TENM2: variants seen among roughly 807,000 people sequenced by gnomAD.
The protein encoded by TENM2 is teneurin-2.
A neutral mutation model predicts 245.2 loss-of-function variants in TENM2; 52 were observed. The observed-to-expected ratio is 0.21, with a 90% CI of 0.17 to 0.27. The LOEUF is 0.27. Among genes scored for constraint, TENM2 ranks in the 10% least tolerant of loss-of-function variants. TENM2 has a pLI of 1.00. For synonymous variants in TENM2, 1,363 were observed against 1,438.9 expected, an observed-to-expected ratio of 0.95 and a Z score of 1.19; for missense variants, 3,046 against 3,666.8, an observed-to-expected ratio of 0.83 and a Z score of 4.37.
At position 167,597,363 on chromosome 5, in the gene TENM2, C is replaced by T. The variant is rs113406271; in HGVS notation, c.502+221890C>T. Among the ~76,000 whole-genome samples the T allele has an allele frequency of 6.6e-3, 1,005 of 152,144 alleles. 3 individuals are homozygous for T. The highest frequency in any genetic ancestry group is 0.014 in the Middle Eastern group (4 of 294). On this transcript the variant is annotated intron_variant, in intron 2 of 28. Coordinates refer to ENST00000518659, the Ensembl canonical transcript of TENM2. ...TGTATTTTTAGTAGAGACAGGGTTT[C>T]ACCATGTTGGCCAGGCTGGTCTCAA...
At chr5:167,514,448 G>A (rs1770177599) in intron 2 of TENM2, among the ~76,000 whole-genome samples, 1 of 152,170 alleles carries the variant, frequency 6.6e-6, no homozygotes. Flanking sequence ...TAGTAACCGT[G>A]TTCATCCCAG....
At chr5:167,451,367 C>G (rs1270617932) in intron 2 of TENM2, among the ~76,000 whole-genome samples, 2 of 152,274 alleles carry the variant, frequency 1.3e-5, no homozygotes, top group East Asian at 3.9e-4. Flanking sequence ...CGATTGAAAA[C>G]GATGCAAAGG....
At chr5:167,302,558 C>A (rs575052135) in intron 1 of TENM2, among the ~76,000 whole-genome samples, 6 of 148,764 alleles carry the variant, frequency 4.0e-5, no homozygotes, top group Non-Finnish European at 7.4e-5. Flanking sequence ...GATAAGAGGT[C>A]GGGGCGTGGA....
intron 12 of TENM2, among the ~76,000 whole-genome samples, chr5:168,135,140 C>T (rs1252747603): frequency 2.6e-5 from 4 of 152,174 alleles, no homozygotes; most frequent in Non-Finnish European, 5.9e-5. Context: ...TTGATTCTGT[C>T]CCCATTCAGC....
At chr5:167,907,571 A>ATG (rs1477119256) in intron 3 of TENM2, among the ~76,000 whole-genome samples, 1 of 107,796 alleles carries the variant, frequency 9.3e-6, no homozygotes, top group African/African-American at 3.3e-5. Context: ...ATATATATAT[A>ATG]TGTATGTATT....
intron 28 of TENM2, 38 bp from the exon 31 acceptor site, chr5:168,262,011 T>G: frequency 6.3e-7 from 1 of 1,593,546 alleles, no homozygotes; most frequent in Non-Finnish European, 8.6e-7. Flanking sequence ...GCTGCCCAGC[T>G]CATCTTCTCA....
the TENM2 span, among the ~76,000 whole-genome samples, chr5:166,979,185 G>GCAGCAC: frequency 4.4e-5 from 6 of 137,774 alleles, no homozygotes; most frequent in African/African-American, 1.6e-4. Flanking sequence ...AGCAGCAGCA[G>GCAGCAC]CACCACCACC....
At chr5:167,307,432 C>A (rs1048477350) in intron 1 of TENM2, among the ~76,000 whole-genome samples, 1 of 152,110 alleles carries the variant, frequency 6.6e-6, no homozygotes, top group African/African-American at 2.4e-5. Flanking sequence ...ATTGATGTGA[C>A]AGATGCTATT....
intron 2 of TENM2, among the ~76,000 whole-genome samples, chr5:167,577,358 G>A (rs1774774699): frequency 2.6e-5 from 4 of 152,244 alleles, no homozygotes; most frequent in African/African-American, 9.6e-5. Flanking sequence ...CTAGTTCTTT[G>A]CTGGTGGATT....
At chr5:167,700,969 A>T (rs1449309457) in intron 2 of TENM2, among the ~76,000 whole-genome samples, 2 of 151,562 alleles carry the variant, frequency 1.3e-5, no homozygotes, top group African/African-American at 2.4e-5. Flanking sequence ...AAAAAAAAAA[A>T]AAAAGCTAGC....
chr5:167,023,536 C>T, the TENM2 span, among the ~76,000 whole-genome samples: 40 of 152,228 alleles, frequency 2.6e-4, no homozygotes, highest in African/African-American at 9.4e-4. Flanking sequence ...TGATAATTTT[C>T]GAAGGTAAAA....
At position 167,598,599 on chromosome 5, in the gene TENM2, G is replaced by A. The variant is rs192897558; in HGVS notation, c.502+223126G>A. 4.5e-4 allele frequency among the ~76,000 whole-genome samples: 69 copies of A among 152,274 alleles called. 2 individuals are homozygous for A. Among genetic ancestry groups the A allele is most frequent in the Admixed American group, 4.3e-3 (66 of 15,304 alleles). ...GACCCCGTGTTGGAAAATGAAAACC[G>A]TCATGAAAGTTATGTGTGGAGTATT... On this transcript the variant is annotated intron_variant, in intron 2 of 28. Coordinates refer to ENST00000518659, the Ensembl canonical transcript of TENM2.
At chr5:167,724,369 C>A (rs1298832705) in intron 2 of TENM2, among the ~76,000 whole-genome samples, 3 of 150,974 alleles carry the variant, frequency 2.0e-5, no homozygotes, top group Non-Finnish European at 4.4e-5. Context: ...ATGTATAAAA[C>A]AGGGTTTTAA....
At chr5:167,866,826 A>T (rs1465455222) in intron 2 of TENM2, among the ~76,000 whole-genome samples, 1 of 152,236 alleles carries the variant, frequency 6.6e-6, no homozygotes, top group Non-Finnish European at 1.5e-5. Flanking sequence ...TATGCTGTCC[A>T]ACATGGTAGC....
chr5:168,009,541 A>G (rs904688794), intron 5 of TENM2, among the ~76,000 whole-genome samples: 1 of 152,044 alleles, frequency 6.6e-6, no homozygotes, highest in African/African-American at 2.4e-5. Flanking sequence ...TGAAGTCTCG[A>G]TTTATTTTCT....
intron 2 of TENM2, among the ~76,000 whole-genome samples, chr5:167,748,958 G>A: frequency 6.6e-6 from 1 of 151,968 alleles, no homozygotes; most frequent in Non-Finnish European, 1.5e-5. Context: ...TATTGCCTAG[G>A]CTGGTCTCAA....
intron 2 of TENM2, among the ~76,000 whole-genome samples, chr5:167,622,237 A>T (rs1778223083): frequency 6.6e-6 from 1 of 152,114 alleles, no homozygotes; most frequent in South Asian, 2.1e-4. Context: ...GGGAGACATG[A>T]TGAGAAGCAC....
chr5:167,222,179 A>T, the TENM2 span, among the ~76,000 whole-genome samples: 1 of 152,182 alleles, frequency 6.6e-6, no homozygotes, highest in African/African-American at 2.4e-5. Context: ...TTAGATTTGT[A>T]TTTGTGATAA....
intron 2 of TENM2, among the ~76,000 whole-genome samples, chr5:167,442,553 A>C (rs1165928557): frequency 6.6e-6 from 1 of 151,144 alleles, no homozygotes; most frequent in Non-Finnish European, 1.5e-5. Context: ...TGTTGATAGG[A>C]AAGTTGAACT....
Sources: allele counts gnomAD v4.1 joint callset (sites outside exome capture counted in the v4.1 genomes callset), GRCh38; gene constraint gnomAD v4.1.1; transcripts MANE v1.5; gene names NCBI Gene and HGNC (gene_info 2026-07-23, HGNC 2026-07-21).